The following SYT1 variants were observed in gnomAD, a reference collection of about 807,000 sequenced individuals.
SYT1 encodes synaptotagmin-1.
Under a neutral mutation model 44.8 loss-of-function variants are expected in SYT1, and 8 were observed. The observed-to-expected ratio is 0.18, with a 90% CI of 0.10 to 0.32. The LOEUF (loss-of-function observed/expected upper bound fraction) is 0.32. Ranked by LOEUF, SYT1 falls within the 10% of genes least tolerant of loss-of-function variation. The pLI, the probability that SYT1 is intolerant of heterozygous loss-of-function variation, is 1.00. For synonymous variants in SYT1, 154 were observed against 188.8 expected, an observed-to-expected ratio of 0.82 and a Z score of 1.51; for missense variants, 286 against 509.3, an observed-to-expected ratio of 0.56 and a Z score of 4.22.
At chr12:79,337,766 C>T (rs1274892179) in intron 8 of SYT1, among the ~76,000 whole-genome samples, 1 of 152,200 alleles carries the variant, frequency 6.6e-6, no homozygotes, top group Non-Finnish European at 1.5e-5. Flanking sequence ...AAAATGCCTC[C>T]TTTCTAACTG....
intron 9 of SYT1, among the ~76,000 whole-genome samples, chr12:79,421,418 GT>G (rs1476375776): frequency 6.6e-6 from 1 of 152,006 alleles, no homozygotes; most frequent in Non-Finnish European, 1.5e-5. Context: ...TTTGACCATA[GT>G]TTCCTTGTTC....
chr12:78,970,397 G>A (rs1352975137), intron 1 of SYT1, among the ~76,000 whole-genome samples: 1 of 152,102 alleles, frequency 6.6e-6, no homozygotes, highest in African/African-American at 2.4e-5. Flanking sequence ...AAAGACAGTT[G>A]CCTAAATTTT....
intron 4 of SYT1, among the ~76,000 whole-genome samples, chr12:79,243,889 GC>G (rs1443825203): frequency 1.3e-5 from 2 of 151,448 alleles, no homozygotes; most frequent in East Asian, 3.9e-4. Context: ...AGGAAGGAAG[GC>G]AGGAAGGAAG....
At chr12:79,108,597 T>G (rs537904758) in intron 3 of SYT1, among the ~76,000 whole-genome samples, 1 of 152,168 alleles carries the variant, frequency 6.6e-6, no homozygotes, top group Non-Finnish European at 1.5e-5. Context: ...CTCTGATTGC[T>G]GAATCATAAT....
chr12:79,008,978 C>T (rs549983016), intron 2 of SYT1, among the ~76,000 whole-genome samples: 42 of 152,100 alleles, frequency 2.8e-4, no homozygotes, highest in Non-Finnish European at 1.0e-4. Flanking sequence ...TTTATAGAAA[C>T]TTTAGCTTTG....
intron 1 of SYT1, among the ~76,000 whole-genome samples, chr12:78,902,314 A>T (rs1024070207): frequency 2.0e-4 from 31 of 152,188 alleles, no homozygotes; most frequent in Non-Finnish European, 3.7e-4. Context: ...ATGACAATAC[A>T]TTTGTTTACA....
At chr12:79,210,938 T>G (rs936391916) in intron 3 of SYT1, among the ~76,000 whole-genome samples, 2 of 152,096 alleles carry the variant, frequency 1.3e-5, no homozygotes, top group South Asian at 2.1e-4. Flanking sequence ...TTAAAGTTTT[T>G]TTTTTTTTTT....
intron 3 of SYT1, among the ~76,000 whole-genome samples, chr12:79,137,038 G>T (rs1565822251): frequency 6.6e-6 from 1 of 151,818 alleles, no homozygotes; most frequent in Non-Finnish European, 1.5e-5. Context: ...AAAACAGTTA[G>T]GTCTAACATT....
At chr12:79,351,106 TTTTCCATATTTTTC>T (rs1379484289) in intron 8 of SYT1, among the ~76,000 whole-genome samples, 14 of 151,910 alleles carry the variant, frequency 9.2e-5, no homozygotes, top group African/African-American at 2.9e-4. Flanking sequence ...AAAAAAGCAC[TTTTCCATATTTTTC>T]TTTCTCCCAA....
chr12:79,291,780 G>A (rs1322492113), intron 5 of SYT1: 1 of 636,244 alleles, frequency 1.6e-6, no homozygotes, highest in African/African-American at 1.8e-5. Flanking sequence ...ATTCTGAGGG[G>A]CTTCTTCCAT....
intron 5 of SYT1, among the ~76,000 whole-genome samples, chr12:79,286,524 G>A (rs1879323213): frequency 6.6e-6 from 1 of 152,130 alleles, no homozygotes; most frequent in South Asian, 2.1e-4. Flanking sequence ...CGACAGGATA[G>A]AATTTTTGCC....
chr12:79,110,796 T>C (rs1297696163), intron 3 of SYT1, among the ~76,000 whole-genome samples: 1 of 152,194 alleles, frequency 6.6e-6, no homozygotes, highest in Non-Finnish European at 1.5e-5. Context: ...AAATTAATAA[T>C]AAAGGCTAAC....
chr12:78,871,915 A>G (rs1333782111), intron 1 of SYT1, among the ~76,000 whole-genome samples: 1 of 151,804 alleles, frequency 6.6e-6, no homozygotes, highest in Non-Finnish European at 1.5e-5. Context: ...ACCAATGTTC[A>G]GAATCCGAGG....
At chr12:79,350,346 G>A (rs1199498862) in intron 8 of SYT1, among the ~76,000 whole-genome samples, 2 of 145,010 alleles carry the variant, frequency 1.4e-5, no homozygotes, top group Non-Finnish European at 3.0e-5. Flanking sequence ...TCCGCCTCCC[G>A]GGTTCACACC....
At chr12:79,030,040 G>C (rs1031042274) in intron 2 of SYT1, among the ~76,000 whole-genome samples, 4 of 150,948 alleles carry the variant, frequency 2.6e-5, no homozygotes, top group Non-Finnish European at 5.9e-5. Flanking sequence ...ATGAATTTCA[G>C]TATTAAATAC....
intron 8 of SYT1, among the ~76,000 whole-genome samples, chr12:79,308,587 GAAA>G (rs1236711281): frequency 1.8e-5 from 2 of 114,190 alleles, no homozygotes; most frequent in African/African-American, 3.3e-5. Flanking sequence ...AGAAGGAAAA[GAAA>G]GAAGAAAGAA....
At chr12:78,984,378 G>A (rs888103969) in intron 2 of SYT1, among the ~76,000 whole-genome samples, 1 of 151,688 alleles carries the variant, frequency 6.6e-6, no homozygotes, top group African/African-American at 2.4e-5. Flanking sequence ...TTAATCTATT[G>A]GCTGAAGTAT....
At chr12:79,062,254 A>G (rs147340788) in intron 3 of SYT1, among the ~76,000 whole-genome samples, 9 of 152,280 alleles carry the variant, frequency 5.9e-5, no homozygotes, top group African/African-American at 9.6e-5. Context: ...TGGTTAATAC[A>G]GTTTTGTGTT....
intron 1 of SYT1, among the ~76,000 whole-genome samples, chr12:78,949,247 A>AAT (rs929689417): frequency 6.6e-6 from 1 of 151,730 alleles, no homozygotes; most frequent in Non-Finnish European, 1.5e-5. Context: ...TAATTTTAGA[A>AAT]ATATAGGACT....
Sources: gnomAD v4.1 joint callset for allele counts (sites outside exome capture counted in the v4.1 genomes callset) on GRCh38, gnomAD v4.1.1 for gene constraint, MANE v1.5 for transcripts, NCBI Gene and HGNC (gene_info 2026-07-23, HGNC 2026-07-21) for gene names.